TMEM233: variants seen among roughly 807,000 people sequenced by gnomAD.
TMEM233 encodes the protein transmembrane protein 233.
In TMEM233, 6 loss-of-function variants were observed where a neutral mutation model predicts 11.2. The ratio of observed to expected loss-of-function variants is 0.54; its 90% CI spans 0.29 to 1.06. The LOEUF is 1.06. Ranked by LOEUF, TMEM233 falls within the 50% of genes least tolerant of loss-of-function variation. TMEM233 has a pLI of 0.08. For missense variants in TMEM233, 127 were observed against 144.7 expected, an observed-to-expected ratio of 0.88 and a Z score of 0.63; for synonymous variants, 59 against 55.8, an observed-to-expected ratio of 1.06 and a Z score of -0.26.
chr12:119,639,816 A>C (rs1398772830), intron 2 of TMEM233, among the ~76,000 whole-genome samples: 1 of 152,128 alleles, frequency 6.6e-6, no homozygotes, highest in Non-Finnish European at 1.5e-5. Context: ...TAAATGGCAC[A>C]AACTACAGGG....
At chr12:119,634,323 G>A in intron 2 of TMEM233, 1 of 971,240 alleles carries the variant, frequency 1.0e-6, no homozygotes, top group Non-Finnish European at 1.2e-6. Context: ...CCAAAATGCT[G>A]TCTCGGGGCT....
chr12:119,644,281 T>G (rs746423825), downstream of TMEM233, among the ~76,000 whole-genome samples: 1 of 151,986 alleles, frequency 6.6e-6, no homozygotes, highest in African/African-American at 2.4e-5. Flanking sequence ...ACTCAAACCT[T>G]ATAGATTGAG....
chr12:119,614,775 C>T (rs1954487132), intron 1 of TMEM233, among the ~76,000 whole-genome samples: 1 of 152,160 alleles, frequency 6.6e-6, no homozygotes, highest in African/African-American at 2.4e-5. Flanking sequence ...GATAAGATTA[C>T]TTCTATCCCC....
intron 2 of TMEM233, among the ~76,000 whole-genome samples, chr12:119,630,261 C>T (rs780409772): frequency 6.6e-6 from 1 of 152,166 alleles, no homozygotes; most frequent in East Asian, 1.9e-4. Context: ...GGTTTGGATG[C>T]TTCTTTGGAT....
intron 1 of TMEM233, among the ~76,000 whole-genome samples, chr12:119,600,603 GTC>G (rs1954143489): frequency 6.6e-6 from 1 of 152,190 alleles, no homozygotes; most frequent in Admixed American, 6.5e-5. Flanking sequence ...ATATTATTCA[GTC>G]TTTAAAAGGA....
chr12:119,609,849 C>A (rs1417126991), intron 1 of TMEM233, among the ~76,000 whole-genome samples: 1 of 152,216 alleles, frequency 6.6e-6, no homozygotes, highest in Non-Finnish European at 1.5e-5. Flanking sequence ...TCTGCTAGGG[C>A]AGTGTGGAAG....
At chr12:119,636,248 G>A (rs796432724) in intron 2 of TMEM233, among the ~76,000 whole-genome samples, 78 of 152,120 alleles carry the variant, frequency 5.1e-4, no homozygotes, top group African/African-American at 1.8e-3. Context: ...CAAGAAACTG[G>A]GGAGCTCTGT....
At chr12:119,604,495 T>G (rs1954226201) in intron 1 of TMEM233, among the ~76,000 whole-genome samples, 1 of 152,202 alleles carries the variant, frequency 6.6e-6, no homozygotes, top group African/African-American at 2.4e-5. Flanking sequence ...ACTTTGATTC[T>G]CACTTTAATG....
chr12:119,638,651 G>A (rs952198641), intron 2 of TMEM233, among the ~76,000 whole-genome samples: 5 of 152,132 alleles, frequency 3.3e-5, no homozygotes, highest in Non-Finnish European at 5.9e-5. Context: ...TTTGCAATAG[G>A]AGAAACCTTG....
intron 1 of TMEM233, among the ~76,000 whole-genome samples, chr12:119,605,149 A>G (rs1008032449): frequency 6.6e-6 from 1 of 151,908 alleles, no homozygotes; most frequent in African/African-American, 2.4e-5. Context: ...TGCTGTGGGT[A>G]ATTTTTATAG....
chr12:119,634,762 G>A (rs991868868), intron 2 of TMEM233, among the ~76,000 whole-genome samples: 1 of 152,192 alleles, frequency 6.6e-6, no homozygotes, highest in Non-Finnish European at 1.5e-5. Context: ...AATCTCAAAT[G>A]GTTGAAATCC....
At chr12:119,631,418 T>G in intron 2 of TMEM233, 2 of 745,738 alleles carry the variant, frequency 2.7e-6, no homozygotes, top group Non-Finnish European at 3.3e-6. Context: ...GAACAACCAG[T>G]GGCAGCTGGG....
intron 2 of TMEM233, 37 bp from the exon 3 acceptor site, chr12:119,640,662 C>T (rs763949885): frequency 5.9e-5 from 91 of 1,548,514 alleles, no homozygotes; most frequent in Admixed American, 2.2e-4. Context: ...GCTCAGCCCA[C>T]GGTCTTTCTC....
chr12:119,650,315 A>G, the TMEM233 span, among the ~76,000 whole-genome samples: 5 of 152,224 alleles, frequency 3.3e-5, no homozygotes, highest in Non-Finnish European at 7.3e-5. Flanking sequence ...GAGGAAACTG[A>G]GTCATGGAAG....
At chr12:119,609,840 C>CT (rs1954359498) in intron 1 of TMEM233, among the ~76,000 whole-genome samples, 1 of 152,260 alleles carries the variant, frequency 6.6e-6, no homozygotes, top group South Asian at 2.1e-4. Context: ...TGAAGAACCT[C>CT]TGCTAGGGCA....
At chr12:119,627,054 A>T (rs1954780528) in intron 1 of TMEM233, among the ~76,000 whole-genome samples, 1 of 152,194 alleles carries the variant, frequency 6.6e-6, no homozygotes, top group African/African-American at 2.4e-5. Flanking sequence ...GATGGCTGGG[A>T]TATTGGGGAA....
At chr12:119,628,492 C>CTTTT (rs60789807) in intron 1 of TMEM233, among the ~76,000 whole-genome samples, 4 of 52,444 alleles carry the variant, frequency 7.6e-5, no homozygotes, top group Non-Finnish European at 1.3e-4. Context: ...CCAGCTCACT[C>CTTTT]TTTTTTTTTT....
At chr12:119,648,613 C>T in the TMEM233 span, among the ~76,000 whole-genome samples, 1 of 152,356 alleles carries the variant, frequency 6.6e-6, no homozygotes, top group South Asian at 2.1e-4. Context: ...GCACAATTAC[C>T]ATTTAATATC....
the TMEM233 span, among the ~76,000 whole-genome samples, chr12:119,648,696 G>T: frequency 1.9e-4 from 29 of 152,226 alleles, no homozygotes; most frequent in Non-Finnish European, 3.7e-4. Flanking sequence ...CTGTCTTCCT[G>T]GTCCCTAGCT....
Sources: allele counts gnomAD v4.1 joint callset (sites outside exome capture counted in the v4.1 genomes callset), GRCh38; gene constraint gnomAD v4.1.1; transcripts MANE v1.5; gene names NCBI Gene and HGNC (gene_info 2026-07-23, HGNC 2026-07-21).